Variants in NIT2 observed in about 807,000 individuals in gnomAD.
The protein encoded by NIT2 is omega-amidase NIT2.
In NIT2, 46 loss-of-function variants were observed where a neutral mutation model predicts 42.7. That is an observed-to-expected ratio of 1.08 (90% CI 0.85 to 1.38). The LOEUF is 1.38. NIT2 is among the 40% of genes most tolerant of loss of function. The pLI is 0.00. For synonymous variants in NIT2, 123 were observed against 121.9 expected (o/e 1.01, Z -0.06); for missense variants, 309 against 342.5 (o/e 0.90, Z 0.77).
chr3:100,339,274 G>C (rs951535616), intron 2 of NIT2, 69 bp downstream of exon 2: 7 of 1,000,552 alleles, frequency 7.0e-6, no homozygotes, highest in Admixed American at 6.8e-5. Flanking sequence ...TGCTAGCTCT[G>C]GTTGTCCTCT....
chr3:100,344,185 C>G (rs1280270478), intron 4 of NIT2, among the ~76,000 whole-genome samples: 2 of 152,186 alleles, frequency 1.3e-5, no homozygotes, highest in Non-Finnish European at 2.9e-5. Context: ...GATTATGGGT[C>G]ATTTTCACCA....
At chr3:100,335,109 G>A (rs1223444338) in intron 1 of NIT2, 2 of 435,696 alleles carry the variant, frequency 4.6e-6, no homozygotes, top group African/African-American at 2.1e-5. Context: ...TGTGGGCCGC[G>A]GTGGTAGGAT....
chr3:100,345,345 G>T (rs901129247), intron 4 of NIT2, among the ~76,000 whole-genome samples: 1 of 152,146 alleles, frequency 6.6e-6, no homozygotes, highest in Admixed American at 6.5e-5. Context: ...AGGTTGATTT[G>T]CAGACTGCTA....
rs537491588 is a variant in NIT2 at position 100,356,627 on chromosome 3, A to T, written c.*1359A>T. On this transcript the variant is annotated 3_prime_UTR_variant, in exon 10 of 10. Transcript: ENST00000394140. ...CAAGAGAAAGACAAATGACTTTTTT[A>T]AATTAAGTTTTTAATTTACAATTGA... 1 of 152,312 alleles carries T rather than the reference A, an allele frequency of 6.6e-6. No individual in the cohort carries two copies. The highest frequency in any genetic ancestry group is 6.5e-5 in the Admixed American group (1 of 15,300). The allele number at this position is 152,312 out of a possible 1,614,324, so 9.4% of individuals were successfully genotyped here. A position where few individuals can be genotyped will look rare whatever the true frequency, so the allele number is the denominator to read the frequency against.
At chr3:100,349,350 C>T (rs1445644043) in intron 7 of NIT2, 2 of 152,696 alleles carry the variant, frequency 1.3e-5, no homozygotes, top group African/African-American at 2.4e-5. Context: ...TGGCCTCAAG[C>T]GATCTTCCCG....
rs189579244 is a variant in NIT2 at position 100,350,376 on chromosome 3, A to G, written c.584+1495A>G. Among the ~76,000 whole-genome samples the G allele has an allele frequency of 3.9e-5, 6 of 152,232 alleles. No individual in the cohort carries two copies. In the East Asian group the frequency reaches 9.7e-4, roughly 25 times the overall value. ...GACTGCGAGCTGCAATTTTTGTTCTATTTGAGGTGGTGGGACTGCCACCAT... is the reference window on the plus strand; with the variant it reads ...GACTGCGAGCTGCAATTTTTGTTCTGTTTGAGGTGGTGGGACTGCCACCAT... On this transcript the variant is annotated intron_variant, in intron 7 of 9. Coordinates refer to ENST00000394140, the MANE Select transcript of NIT2 (RefSeq NM_020202.5).
intron 1 of NIT2, among the ~76,000 whole-genome samples, chr3:100,338,870 G>A (rs1706109128): frequency 6.6e-6 from 1 of 152,108 alleles, no homozygotes; most frequent in Non-Finnish European, 1.5e-5. Context: ...TGTTATGGAG[G>A]GGGTTGTCCT....
chr3:100,339,576 T>A (rs975420244), intron 2 of NIT2, among the ~76,000 whole-genome samples: 1 of 152,160 alleles, frequency 6.6e-6, no homozygotes, highest in Non-Finnish European at 1.5e-5. Context: ...ATTTTTTTTT[T>A]AAATGAGCTC....
intron 3 of NIT2, among the ~76,000 whole-genome samples, 190 bp from the exon 4 acceptor site, chr3:100,340,883 C>T (rs529156216): frequency 1.3e-5 from 2 of 151,874 alleles, no homozygotes; most frequent in Non-Finnish European, 2.9e-5. Context: ...GATTAAGTAA[C>T]CCATAGAAGG....
chr3:100,342,601 A>G (rs1706168672), intron 4 of NIT2, among the ~76,000 whole-genome samples: 2 of 151,250 alleles, frequency 1.3e-5, no homozygotes, highest in African/African-American at 4.9e-5. Context: ...AGTTCATATT[A>G]TATCATTTCA....
rs370914296 is a variant in NIT2 at position 100,354,824 on chromosome 3, A to G, written c.736A>G (p.Ile246Val). 8 of 1,610,992 alleles carry G rather than the reference A, an allele frequency of 5.0e-6. No homozygotes were observed. Among genetic ancestry groups the G allele is most frequent in the Non-Finnish European group, 6.8e-6 (8 of 1,178,508 alleles). ...AGAAGAAGCAATCGTGTATTCAGAC[A>G]TAGGTAAGATTTTCCTGGGCATGGT... is the stretch of plus-strand genomic sequence containing the variant. ...GTEEAIVYSD[I>V]DLKKLAEIRQ... The change falls in exon 9 of 10, where the codon ATA becomes GTA. Residue 246 changes from isoleucine (I) to valine (V), a missense_variant. Ile to Val is a conservative substitution (Grantham distance 29, BLOSUM62 3). Coordinates refer to ENST00000394140, the MANE Select transcript of NIT2 (RefSeq NM_020202.5).
In NIT2 at chr3:100,339,104, A is replaced by T; in HGVS notation, c.25A>T (p.Ile9Phe). 3.7e-6 allele frequency: 6 copies of T among 1,613,548 alleles called. No homozygotes were observed. The highest frequency in any genetic ancestry group is 5.1e-6 in the Non-Finnish European group (6 of 1,179,584). Residue 9 changes from isoleucine to phenylalanine, a missense_variant, in exon 2 of 10, where the codon ATC (isoleucine) becomes TTC (phenylalanine). Ile to Phe is a conservative substitution (Grantham distance 21). Transcript: ENST00000394140. MTSFRLALIQLQISSIKSD... is the reference protein window; with the variant it reads MTSFRLALFQLQISSIKSD... ...GTTCTCAGCTTTCCGCTTGGCCCTC[A>T]TCCAGCTTCAGATTTCTTCCATCAA...
intron 5 of NIT2, 68 bp from the exon 6 acceptor site, chr3:100,346,113 G>A: frequency 8.1e-7 from 1 of 1,240,264 alleles, no homozygotes; most frequent in Non-Finnish European, 1.2e-6. Flanking sequence ...TGTCATGGAG[G>A]ATTTCCCCTG....
intron 7 of NIT2, chr3:100,349,110 T>C: frequency 3.7e-6 from 1 of 271,938 alleles, no homozygotes. Flanking sequence ...AAACTGTACT[T>C]TTTTTTTTTT....
At chr3:100,346,076 AT>A in intron 5 of NIT2, 104 bp from the exon 6 acceptor site, 1 of 845,932 alleles carries the variant, frequency 1.2e-6, no homozygotes. Context: ...GTGTTAATTT[AT>A]CCCTGTCAGT....
At position 100,355,262 on chromosome 3, in the gene NIT2, GC is replaced by G. The variant is rs1706315153; in HGVS notation, c.828del (p.Ter277LysfsTer14). The G allele has an allele frequency of 6.2e-7, 1 of 1,611,868 alleles. No homozygotes were observed. Among genetic ancestry groups the G allele is most frequent in the African/African-American group, 1.3e-5 (1 of 74,832 alleles). The stretch of plus-strand genomic sequence containing the variant: ...ACCTCTATGCTGTGGAGATGAAAAA[GC>G]CCTAAAGTTTATGTTTCTAATGTGT... Reference protein sequence around the residue: ...SDLYAVEMKKP With the variant: ...SDLYAVEMKKX On this transcript the variant is annotated frameshift_variant, in exon 10 of 10. Transcript: ENST00000394140. LOFTEE classifies it high-confidence loss of function.
intron 8 of NIT2, 144 bp from the exon 9 acceptor site, chr3:100,354,628 T>C (rs1264895933): frequency 1.2e-5 from 6 of 500,058 alleles, no homozygotes; most frequent in African/African-American, 1.2e-4. Flanking sequence ...ATTTAAATGA[T>C]AGAACATAAA....
At chr3:100,347,272 TTTTAGTAG>T (rs1268726519) in intron 6 of NIT2, among the ~76,000 whole-genome samples, 1 of 152,024 alleles carries the variant, frequency 6.6e-6, no homozygotes, top group Non-Finnish European at 1.5e-5. Flanking sequence ...ATTTTTGTAT[TTTTAGTAG>T]TTATGGGGTT....
intron 4 of NIT2, among the ~76,000 whole-genome samples, chr3:100,341,611 A>G (rs1007906624): frequency 6.6e-6 from 1 of 151,144 alleles, no homozygotes; most frequent in East Asian, 2.0e-4. Flanking sequence ...CTCATGATCC[A>G]CCCGCCTCAG....
Sources: gnomAD v4.1 joint callset for allele counts (sites outside exome capture counted in the v4.1 genomes callset) on GRCh38, gnomAD v4.1.1 for gene constraint, MANE v1.5 for transcripts, NCBI Gene and HGNC (gene_info 2026-07-23, HGNC 2026-07-21) for gene names.